Variants in PEX5L observed in about 807,000 individuals in gnomAD.
PEX5L encodes the protein PEX5-related protein.
Under a neutral mutation model 84.0 loss-of-function variants are expected in PEX5L, and 30 were observed. The observed-to-expected ratio is 0.36, with a 90% CI of 0.27 to 0.48. PEX5L has a LOEUF of 0.48. Ranked by LOEUF, PEX5L falls within the 20% of genes least tolerant of loss-of-function variation. PEX5L has a pLI of 0.99. For missense variants in PEX5L, 533 were observed against 754.6 expected, an observed-to-expected ratio of 0.71 and a Z score of 3.44; for synonymous variants, 270 against 283.1, an observed-to-expected ratio of 0.95 and a Z score of 0.46.
intron 2 of PEX5L, among the ~76,000 whole-genome samples, chr3:179,963,553 G>C (rs77037010): frequency 0.026 from 3,893 of 152,224 alleles, 178 homozygotes; most frequent in African/African-American, 0.09. Context: ...CTGGATCTTA[G>C]AGACTCATGA....
At chr3:179,922,706 G>A (rs892878725) in intron 2 of PEX5L, among the ~76,000 whole-genome samples, 11 of 151,652 alleles carry the variant, frequency 7.3e-5, no homozygotes, top group African/African-American at 2.4e-4. Flanking sequence ...TGCCCACTTC[G>A]GCCTCCCAAA....
intron 14 of PEX5L, among the ~76,000 whole-genome samples, chr3:179,805,146 C>CTTT (rs777171015): frequency 1.2e-5 from 1 of 86,458 alleles, no homozygotes; most frequent in Admixed American, 1.4e-4. Flanking sequence ...ACTCGATGGT[C>CTTT]TTTTTTTTTT....
At chr3:179,830,285 G>A (rs1039404142) in intron 8 of PEX5L, among the ~76,000 whole-genome samples, 4 of 81,342 alleles carry the variant, frequency 4.9e-5, no homozygotes, top group Admixed American at 1.4e-4. Flanking sequence ...TTCCTCCCCC[G>A]CCCCCCCCCT....
At chr3:179,925,363 T>A (rs76477713) in intron 2 of PEX5L, among the ~76,000 whole-genome samples, 4 of 151,706 alleles carry the variant, frequency 2.6e-5, no homozygotes, top group African/African-American at 7.3e-5. Flanking sequence ...TAGTTTTTTT[T>A]ATGTGTCCTT....
At chr3:179,921,512 C>T (rs749672024) in intron 2 of PEX5L, 17 of 152,156 alleles carry the variant, frequency 1.1e-4, no homozygotes, top group East Asian at 5.8e-4. Flanking sequence ...TGAAGTTTTT[C>T]GTGTCTAACC....
chr3:179,993,422 G>A (rs1787566814), intron 1 of PEX5L, among the ~76,000 whole-genome samples: 1 of 152,160 alleles, frequency 6.6e-6, no homozygotes, highest in Non-Finnish European at 1.5e-5. Context: ...ACCAAAACCT[G>A]AGGATGCCCA....
At chr3:179,993,653 C>T (rs1220324210) in intron 1 of PEX5L, among the ~76,000 whole-genome samples, 1 of 152,124 alleles carries the variant, frequency 6.6e-6, no homozygotes, top group East Asian at 1.9e-4. Flanking sequence ...GCACACACCA[C>T]CACACCCGGC....
chr3:179,973,729 C>T (rs1785344598), intron 1 of PEX5L: 1 of 985,428 alleles, frequency 1.0e-6, no homozygotes. Context: ...CCAATCTCAA[C>T]TCCTTATCTA....
chr3:179,968,960 A>G (rs1385270198), intron 2 of PEX5L, among the ~76,000 whole-genome samples: 1 of 152,094 alleles, frequency 6.6e-6, no homozygotes, highest in Non-Finnish European at 1.5e-5. Context: ...TCCTTGAGAG[A>G]AGGCAGCCAG....
intron 8 of PEX5L, among the ~76,000 whole-genome samples, chr3:179,851,291 G>A (rs1461887932): frequency 6.6e-6 from 1 of 152,200 alleles, no homozygotes. Context: ...CAGATTAGGT[G>A]TCTGGTGAGG....
chr3:179,832,239 AAGAGAGAGAGAGAC>A (rs1439152365), intron 8 of PEX5L, among the ~76,000 whole-genome samples: 6 of 151,574 alleles, frequency 4.0e-5, no homozygotes, highest in Non-Finnish European at 7.4e-5. Flanking sequence ...GAGCTACAGA[AAGAGAGAGAGAGAC>A]AGAGAGAGAG....
At chr3:179,831,334 A>C (rs1189394958) in intron 8 of PEX5L, among the ~76,000 whole-genome samples, 1 of 151,944 alleles carries the variant, frequency 6.6e-6, no homozygotes, top group Non-Finnish European at 1.5e-5. Context: ...AAAAAAAAAA[A>C]ACCTACAAGA....
chr3:179,924,781 G>A (rs1195895926), intron 2 of PEX5L, among the ~76,000 whole-genome samples: 1 of 152,182 alleles, frequency 6.6e-6, no homozygotes, highest in East Asian at 1.9e-4. Flanking sequence ...AGTGTATTAA[G>A]AGAGTCAACA....
intron 7 of PEX5L, among the ~76,000 whole-genome samples, chr3:179,871,348 C>T (rs895160609): frequency 6.6e-6 from 1 of 152,072 alleles, no homozygotes; most frequent in African/African-American, 2.4e-5. Context: ...AGTAATCCAC[C>T]CACCTTGGCC....
intron 1 of PEX5L, among the ~76,000 whole-genome samples, chr3:180,002,447 G>A (rs775168124): frequency 9.2e-5 from 14 of 151,926 alleles, no homozygotes; most frequent in Non-Finnish European, 1.5e-4. Flanking sequence ...ATCTTTCATT[G>A]CATTTCCCTA....
chr3:179,998,666 C>A (rs567404441), intron 1 of PEX5L, among the ~76,000 whole-genome samples: 7 of 152,304 alleles, frequency 4.6e-5, no homozygotes, highest in African/African-American at 9.6e-5. Flanking sequence ...ATGAACTGGG[C>A]GCTTTCTGAT....
At chr3:180,022,439 C>A (rs1328063688) in intron 1 of PEX5L, among the ~76,000 whole-genome samples, 1 of 152,164 alleles carries the variant, frequency 6.6e-6, no homozygotes, top group Admixed American at 6.5e-5. Flanking sequence ...ATTAAGAGAA[C>A]TCCCTCAAAT....
At position 179,797,605 on chromosome 3, in the gene PEX5L, A is replaced by AAAAAAATATATATAT; in HGVS notation, c.*4222_*4223insATATATATATTTTTT. On this transcript the variant is annotated 3_prime_UTR_variant, in exon 15 of 15. Transcript: ENST00000467460. ...AACACTCTTTAAAAAAAAAAAAAAA[A>AAAAAAATATATATAT]ATATATATATATATATATATATATA... 1 of 89,174 alleles carries AAAAAAATATATATAT rather than the reference A, an allele frequency of 1.1e-5. No homozygotes were observed. Among genetic ancestry groups the AAAAAAATATATATAT allele is most frequent in the African/African-American group, 4.5e-5 (1 of 22,200 alleles). The allele number at this position is 89,174 out of a possible 1,614,324, so 5.5% of individuals were successfully genotyped here. A position where few individuals can be genotyped will look rare whatever the true frequency, so the allele number is the denominator to read the frequency against.
At chr3:179,951,804 C>G (rs1779161990) in intron 2 of PEX5L, among the ~76,000 whole-genome samples, 1 of 152,142 alleles carries the variant, frequency 6.6e-6, no homozygotes, top group African/African-American at 2.4e-5. Context: ...GAGCAATGTT[C>G]ATGCCATGTG....
Sources: gnomAD v4.1 joint callset for allele counts (sites outside exome capture counted in the v4.1 genomes callset) on GRCh38, gnomAD v4.1.1 for gene constraint, MANE v1.5 for transcripts, NCBI Gene and HGNC (gene_info 2026-07-23, HGNC 2026-07-21) for gene names.